The following LRRC4C variants were observed in gnomAD, a reference collection of about 807,000 sequenced individuals.
LRRC4C encodes the protein leucine rich repeat containing 4C, also known as leucine-rich repeat-containing protein 4C.
LRRC4C carries 5 observed loss-of-function variants against 33.6 expected under a neutral mutation model. The observed-to-expected ratio is 0.15, with a 90% CI of 0.08 to 0.31. The LOEUF (loss-of-function observed/expected upper bound fraction) is 0.31. Among genes scored for constraint, LRRC4C ranks in the 10% least tolerant of loss-of-function variants. The pLI is 1.00. For missense variants in LRRC4C, 560 were observed against 796.7 expected (o/e 0.70, Z 3.58); for synonymous variants, 329 against 302.0 (o/e 1.09, Z -0.93).
At chr11:40,588,681 T>C (rs1555111793) in intron 3 of LRRC4C, among the ~76,000 whole-genome samples, 1 of 152,174 alleles carries the variant, frequency 6.6e-6, no homozygotes, top group Non-Finnish European at 1.5e-5. Context: ...GTTGTGTCTT[T>C]GTTCTCGTTG....
intron 1 of LRRC4C, among the ~76,000 whole-genome samples, chr11:41,260,293 T>C (rs1007658961): frequency 3.3e-5 from 5 of 152,074 alleles, no homozygotes; most frequent in Non-Finnish European, 7.4e-5. Context: ...GGAGAGTTAA[T>C]GGCTTGGAAA....
At chr11:40,402,742 A>G (rs1373706476) in intron 3 of LRRC4C, among the ~76,000 whole-genome samples, 1 of 152,098 alleles carries the variant, frequency 6.6e-6, no homozygotes, top group Non-Finnish European at 1.5e-5. Context: ...TGAGAAATTT[A>G]TATATACCCA....
intron 2 of LRRC4C, among the ~76,000 whole-genome samples, chr11:40,813,317 C>T (rs755638743): frequency 3.0e-4 from 46 of 152,014 alleles, no homozygotes; most frequent in Non-Finnish European, 6.0e-4. Flanking sequence ...ATAATCATGG[C>T]GGAAGGCAAA....
In LRRC4C at chr11:40,537,261, C is replaced by T. The variant is rs117417498; in HGVS notation, c.-270+110881G>A. Among the ~76,000 whole-genome samples, 111 of 152,286 alleles carry T rather than the reference C, an allele frequency of 7.3e-4. 1 individual carries two copies. In the East Asian group the frequency reaches 0.016, roughly 22 times the overall value. On this transcript the variant is annotated intron_variant, in intron 3 of 6. Transcript: ENST00000528697. ...ATTCCATCCAGGGTTAGTGACAGCACGCTCTATTCTCAGTGCTGTGGTAAA... is the reference window on the plus strand; with the variant it reads ...ATTCCATCCAGGGTTAGTGACAGCATGCTCTATTCTCAGTGCTGTGGTAAA...
intron 3 of LRRC4C, among the ~76,000 whole-genome samples, chr11:40,614,740 T>A (rs532706326): frequency 1.3e-5 from 2 of 151,614 alleles, no homozygotes; most frequent in Non-Finnish European, 3.0e-5. Flanking sequence ...ACTGTAGGGT[T>A]ATTAACTATC....
intron 1 of LRRC4C, among the ~76,000 whole-genome samples, chr11:41,411,142 A>ATTTTCTTTTTTTTTTTTTTTTTTTTTTT (rs1954464082): frequency 1.7e-5 from 1 of 57,240 alleles, no homozygotes; most frequent in African/African-American, 1.2e-4. Context: ...TTGGTACCCT[A>ATTTTCTTTTTTTTTTTTTTTTTTTTTTT]TTTTTTTTTT....
chr11:41,437,528 G>T (rs2138489963), intron 1 of LRRC4C, among the ~76,000 whole-genome samples: 1 of 152,180 alleles, frequency 6.6e-6, no homozygotes, highest in Middle Eastern at 3.4e-3. Context: ...TGTCTTCACA[G>T]AACCTTCAAG....
chr11:40,958,099 C>A (rs1959041440), intron 1 of LRRC4C, among the ~76,000 whole-genome samples: 1 of 151,532 alleles, frequency 6.6e-6, no homozygotes, highest in African/African-American at 2.4e-5. Context: ...AGCTATGAAC[C>A]AAGAAGCAGG....
intron 1 of LRRC4C, among the ~76,000 whole-genome samples, chr11:41,270,072 A>G (rs1377189154): frequency 6.6e-6 from 1 of 152,122 alleles, no homozygotes; most frequent in Non-Finnish European, 1.5e-5. Flanking sequence ...AGTAATATCT[A>G]TTTTTACAGA....
intron 1 of LRRC4C, among the ~76,000 whole-genome samples, chr11:41,289,625 G>A (rs1949936191): frequency 6.6e-6 from 1 of 152,142 alleles, no homozygotes; most frequent in Non-Finnish European, 1.5e-5. Context: ...CCATCCACAA[G>A]ACAGGAAGAG....
At chr11:41,218,403 T>C (rs1947156197) in intron 1 of LRRC4C, among the ~76,000 whole-genome samples, 1 of 152,246 alleles carries the variant, frequency 6.6e-6, no homozygotes, top group African/African-American at 2.4e-5. Flanking sequence ...TCTGCCTTGC[T>C]GCCTTAAAGA....
chr11:40,516,920 A>G (rs1398811856), intron 3 of LRRC4C, among the ~76,000 whole-genome samples: 1 of 152,164 alleles, frequency 6.6e-6, no homozygotes, highest in Non-Finnish European at 1.5e-5. Flanking sequence ...TTGGAAGCCT[A>G]CACTGCACAG....
intron 1 of LRRC4C, among the ~76,000 whole-genome samples, chr11:41,008,855 T>C (rs1303190321): frequency 6.6e-6 from 1 of 152,116 alleles, no homozygotes; most frequent in Non-Finnish European, 1.5e-5. Context: ...AAAACTCCTT[T>C]ATGGCTCCCC....
At position 40,671,646 on chromosome 11, in the gene LRRC4C, A is replaced by AGTGTGTGTGTGTGTGTGT. The variant is rs145275244; in HGVS notation, c.-406-23386_-406-23369dup. On this transcript the variant is annotated intron_variant, in intron 2 of 6. Transcript: ENST00000528697. The stretch of plus-strand genomic sequence containing the variant: ...CATTCCTTCATTCTTGTCCTTATTC[A>AGTGTGTGTGTGTGTGTGT]GTGTGTGTGTGTGTGTGTGTGTGTG... Among the ~76,000 whole-genome samples, 237 of 140,556 alleles carry AGTGTGTGTGTGTGTGTGT rather than the reference A, an allele frequency of 1.7e-3. 2 individuals carry two copies. Among genetic ancestry groups the AGTGTGTGTGTGTGTGTGT allele is most frequent in the South Asian group, 6.7e-3 (28 of 4,174 alleles). The allele number at this position is 140,556 out of a possible 152,430, so 92.2% of individuals were successfully genotyped here. A position where few individuals can be genotyped will look rare whatever the true frequency, so the allele number is the denominator to read the frequency against.
At chr11:41,450,627 C>T (rs1955987640) in intron 1 of LRRC4C, among the ~76,000 whole-genome samples, 1 of 152,036 alleles carries the variant, frequency 6.6e-6, no homozygotes, top group Non-Finnish European at 1.5e-5. Flanking sequence ...AATAATGATG[C>T]CCCCTGTATG....
At chr11:40,790,498 G>A (rs568312896) in intron 2 of LRRC4C, among the ~76,000 whole-genome samples, 11 of 152,266 alleles carry the variant, frequency 7.2e-5, no homozygotes, top group Non-Finnish European at 1.5e-4. Context: ...TGCTGTGTCC[G>A]CACCACGGTG....
chr11:41,214,961 T>C (rs1590956052), intron 1 of LRRC4C, among the ~76,000 whole-genome samples: 1 of 147,432 alleles, frequency 6.8e-6, no homozygotes, highest in Non-Finnish European at 1.5e-5. Context: ...TGTTTAGTCA[T>C]AATTTTCCCC....
Position 41,024,282 on chromosome 11 carries a change from C to T in LRRC4C, c.-495-90559G>A, listed in dbSNP as rs147966799. ...TCCTGATAAAACAGTAGCTACGCAGCTCAACTCAAGAAGAATAACCTGGAT... is the reference window on the plus strand; with the variant it reads ...TCCTGATAAAACAGTAGCTACGCAGTTCAACTCAAGAAGAATAACCTGGAT... On this transcript the variant is annotated intron_variant, in intron 1 of 6. Coordinates refer to ENST00000528697, the MANE Select transcript of LRRC4C (RefSeq NM_001258419.2). 4.1e-3 allele frequency among the ~76,000 whole-genome samples: 627 copies of T among 151,778 alleles called. 7 individuals are homozygous for T. The highest frequency in any genetic ancestry group is 4.1e-3 in the Non-Finnish European group (276 of 67,748).
chr11:41,405,806 T>C (rs936645206), intron 1 of LRRC4C, among the ~76,000 whole-genome samples: 3 of 152,140 alleles, frequency 2.0e-5, no homozygotes, highest in African/African-American at 7.2e-5. Flanking sequence ...TTAGTTAATA[T>C]TTATTTAACA....
Sources: gnomAD v4.1 joint callset for allele counts (sites outside exome capture counted in the v4.1 genomes callset) on GRCh38, gnomAD v4.1.1 for gene constraint, MANE v1.5 for transcripts, NCBI Gene and HGNC (gene_info 2026-07-23, HGNC 2026-07-21) for gene names.